Variants in AKT3 observed in about 807,000 individuals in gnomAD.
AKT3 encodes the protein RAC-gamma serine/threonine-protein kinase.
Under a neutral mutation model 65.3 loss-of-function variants are expected in AKT3, and 15 were observed. The observed-to-expected ratio is 0.23, with a 90% confidence interval of 0.15 to 0.35. The LOEUF is 0.35. AKT3 is among the 10% of genes least tolerant of loss of function. The pLI is 1.00. For missense variants in AKT3, 243 were observed against 576.5 expected (o/e 0.42, Z 5.92); for synonymous variants, 206 against 183.8 (o/e 1.12, Z -0.98).
chr1:243,688,599 G>A (rs773581658), intron 3 of AKT3, among the ~76,000 whole-genome samples: 1 of 152,124 alleles, frequency 6.6e-6, no homozygotes, highest in Non-Finnish European at 1.5e-5. Context: ...ATGAAGCACT[G>A]AGCTAGGATG....
chr1:243,829,631 C>T (rs527666661), intron 2 of AKT3, among the ~76,000 whole-genome samples: 8 of 152,154 alleles, frequency 5.3e-5, no homozygotes, highest in South Asian at 4.2e-4. Flanking sequence ...ATTTAAGCAA[C>T]GTTAAACCTC....
chr1:243,792,716 G>A (rs1691704975), intron 2 of AKT3, among the ~76,000 whole-genome samples: 1 of 152,138 alleles, frequency 6.6e-6, no homozygotes, highest in Admixed American at 6.5e-5. Flanking sequence ...ACAACACCAA[G>A]AGATCACTTA....
intron 13 of AKT3, among the ~76,000 whole-genome samples, chr1:243,509,404 G>C (rs1488040262): frequency 6.6e-6 from 1 of 152,116 alleles, no homozygotes. Flanking sequence ...GTCGAGTAAG[G>C]AATAAAGCAG....
intron 2 of AKT3, among the ~76,000 whole-genome samples, chr1:243,816,512 C>G (rs777495756): frequency 1.4e-4 from 21 of 151,938 alleles, no homozygotes; most frequent in Non-Finnish European, 2.1e-4. Flanking sequence ...TATTTATATT[C>G]TGAGAAAAAT....
chr1:243,534,741 C>T lies in AKT3; in HGVS notation c.1251+10769G>A, dbSNP rs530159115. On this transcript the variant is annotated intron_variant, in intron 12 of 13. Transcript: ENST00000673466. The stretch of plus-strand genomic sequence containing the variant: ...TACCTGTAGACTAAACAACACATTT[C>T]TAAACAACACACATATTAAATAATT... 4.6e-5 allele frequency among the ~76,000 whole-genome samples: 7 copies of T among 152,104 alleles called. No individual in the cohort carries two copies. In the East Asian group the frequency reaches 1.2e-3, roughly 25 times the overall value.
chr1:243,748,043 CCT>C (rs1466222638), intron 2 of AKT3, among the ~76,000 whole-genome samples: 1 of 152,092 alleles, frequency 6.6e-6, no homozygotes, highest in Non-Finnish European at 1.5e-5. Flanking sequence ...ACATCTTTCC[CCT>C]GTCAAATGAA....
intron 2 of AKT3, among the ~76,000 whole-genome samples, chr1:243,811,745 G>A (rs1477469272): frequency 1.3e-5 from 2 of 152,130 alleles, no homozygotes; most frequent in Admixed American, 6.6e-5. Flanking sequence ...AAAAGCTGGA[G>A]GCATCATACT....
chr1:243,747,715 T>C (rs12071368), intron 2 of AKT3, among the ~76,000 whole-genome samples: 3,957 of 152,272 alleles, frequency 0.026, 164 homozygotes, highest in African/African-American at 0.09. Context: ...CATTGGGAAT[T>C]ACCATAGAAA....
chr1:243,671,864 C>A (rs538267543), intron 3 of AKT3, among the ~76,000 whole-genome samples: 12 of 152,160 alleles, frequency 7.9e-5, no homozygotes, highest in Non-Finnish European at 1.3e-4. Context: ...AGGATTTATT[C>A]CAAGTCTATC....
chr1:243,664,905 T>C (rs1045241188), intron 3 of AKT3, 22 bp from the exon 4 acceptor site: 3 of 1,333,292 alleles, frequency 2.3e-6, no homozygotes, highest in East Asian at 4.9e-5. Flanking sequence ...ATAAAATGTT[T>C]CTTTAAATAT....
chr1:243,716,658 CAT>C (rs1039641571), intron 2 of AKT3, among the ~76,000 whole-genome samples: 1 of 152,064 alleles, frequency 6.6e-6, no homozygotes, highest in Non-Finnish European at 1.5e-5. Context: ...GAATACCTAA[CAT>C]AGAATTTTAA....
chr1:243,731,682 TA>T (rs1687580744), intron 2 of AKT3, among the ~76,000 whole-genome samples: 1 of 152,224 alleles, frequency 6.6e-6, no homozygotes, highest in Admixed American at 6.5e-5. Flanking sequence ...ATTTGTAAAC[TA>T]ATAGTTTGTG....
intron 2 of AKT3, among the ~76,000 whole-genome samples, chr1:243,764,593 A>G (rs1689698514): frequency 6.6e-6 from 1 of 152,118 alleles, no homozygotes; most frequent in Non-Finnish European, 1.5e-5. Context: ...TTTAAATATA[A>G]ATTGTTAAAA....
At chr1:243,675,138 T>C (rs1179061907) in intron 3 of AKT3, among the ~76,000 whole-genome samples, 1 of 152,200 alleles carries the variant, frequency 6.6e-6, no homozygotes, top group African/African-American at 2.4e-5. Context: ...AAGTAGCTTA[T>C]CAGTGCATAC....
At chr1:243,749,913 TG>T (rs1305315557) in intron 2 of AKT3, among the ~76,000 whole-genome samples, 2 of 152,220 alleles carry the variant, frequency 1.3e-5, no homozygotes, top group Non-Finnish European at 2.9e-5. Context: ...CAGGCCTTGT[TG>T]TCCTTGAATC....
chr1:243,540,064 A>G (rs1328910699), intron 12 of AKT3, among the ~76,000 whole-genome samples: 1 of 152,200 alleles, frequency 6.6e-6, no homozygotes. Context: ...ATAAAATTAA[A>G]GAGAAAGGAG....
At chr1:243,727,194 C>T (rs1048200451) in intron 2 of AKT3, among the ~76,000 whole-genome samples, 3 of 152,176 alleles carry the variant, frequency 2.0e-5, no homozygotes, top group Admixed American at 1.3e-4. Flanking sequence ...AACATGGCAT[C>T]TGTTAAGGGA....
At chr1:243,527,385 G>A (rs1038526644) in intron 12 of AKT3, among the ~76,000 whole-genome samples, 13 of 152,130 alleles carry the variant, frequency 8.5e-5, no homozygotes, top group Admixed American at 7.9e-4. Flanking sequence ...TAAGTATTAA[G>A]ATCCATTTCA....
intron 2 of AKT3, among the ~76,000 whole-genome samples, chr1:243,796,741 A>G (rs1296540806): frequency 6.6e-6 from 1 of 152,060 alleles, no homozygotes; most frequent in Non-Finnish European, 1.5e-5. Flanking sequence ...TTCAGATCTC[A>G]GTTCAAAGGT....
Sources: gnomAD v4.1 joint callset for allele counts (sites outside exome capture counted in the v4.1 genomes callset) on GRCh38, gnomAD v4.1.1 for gene constraint, MANE v1.5 for transcripts, NCBI Gene and HGNC (gene_info 2026-07-23, HGNC 2026-07-21) for gene names.